NBEA: variants seen among roughly 807,000 people sequenced by gnomAD.
NBEA encodes the protein lysosomal-trafficking regulator 2.
NBEA carries 44 observed loss-of-function variants against 343.4 expected under a neutral mutation model. That is an observed-to-expected ratio of 0.13 (90% CI 0.10 to 0.16). NBEA has a LOEUF of 0.16. Ranked by LOEUF, NBEA falls within the 10% of genes least tolerant of loss-of-function variation. The pLI is 1.00. For synonymous variants in NBEA, 1,175 were observed against 1,238.7 expected (o/e 0.95, Z 1.08); for missense variants, 2,555 against 3,631.3 (o/e 0.70, Z 7.62).
intron 38 of NBEA, among the ~76,000 whole-genome samples, chr13:35,381,759 G>A (rs2042023485): frequency 6.6e-6 from 1 of 151,910 alleles, no homozygotes; most frequent in Non-Finnish European, 1.5e-5. Flanking sequence ...CCTGCCTTTG[G>A]TGATAATAAA....
intron 41 of NBEA, among the ~76,000 whole-genome samples, chr13:35,529,407 C>G (rs771013902): frequency 6.6e-6 from 1 of 152,170 alleles, no homozygotes; most frequent in African/African-American, 2.4e-5. Context: ...TACACTTATA[C>G]ACATGGAGCA....
chr13:35,048,725 A>T (rs1314811755), intron 5 of NBEA, 41 bp downstream of exon 5: 6 of 1,096,612 alleles, frequency 5.5e-6, no homozygotes, highest in Non-Finnish European at 6.6e-6. Context: ...TTCTTTAAGT[A>T]CTTGAATTCT....
chr13:35,588,521 A>T (rs1263025292), intron 46 of NBEA, among the ~76,000 whole-genome samples: 3 of 152,180 alleles, frequency 2.0e-5, no homozygotes, highest in South Asian at 4.1e-4. Flanking sequence ...ATAATTGCTT[A>T]AAAATGCTAA....
chr13:35,130,076 G>A (rs895897519), intron 17 of NBEA, among the ~76,000 whole-genome samples: 5 of 152,058 alleles, frequency 3.3e-5, no homozygotes. Context: ...ATTTTTATTT[G>A]CATTTAAAAA....
chr13:35,192,751 GT>G (rs1004776230), intron 30 of NBEA, among the ~76,000 whole-genome samples: 43 of 152,020 alleles, frequency 2.8e-4, no homozygotes, highest in Middle Eastern at 6.8e-3. Flanking sequence ...TATGTAGTTG[GT>G]GGCAAAAGTC....
At chr13:35,031,383 A>G (rs893482239) in intron 1 of NBEA, among the ~76,000 whole-genome samples, 2 of 151,700 alleles carry the variant, frequency 1.3e-5, no homozygotes, top group African/African-American at 4.8e-5. Flanking sequence ...TAAATGTCCA[A>G]GTGATATCTA....
chr13:35,536,321 G>A (rs544917648), intron 41 of NBEA, among the ~76,000 whole-genome samples: 2 of 152,244 alleles, frequency 1.3e-5, no homozygotes, highest in African/African-American at 4.8e-5. Flanking sequence ...TTTTTGAGCA[G>A]TAAGTTTTTA....
At chr13:35,083,388 C>CCAT (rs538787130) in intron 10 of NBEA, among the ~76,000 whole-genome samples, 70 of 152,162 alleles carry the variant, frequency 4.6e-4, no homozygotes, top group African/African-American at 1.6e-3. Context: ...AAAGGGAAGC[C>CCAT]CATCAGACTA....
At chr13:35,003,024 G>A (rs1457810132) in intron 1 of NBEA, among the ~76,000 whole-genome samples, 6 of 152,076 alleles carry the variant, frequency 3.9e-5, no homozygotes, top group African/African-American at 7.2e-5. Flanking sequence ...ATAAGAGAGC[G>A]TTCTCCAGCC....
chr13:35,184,739 A>C (rs1177406940), intron 30 of NBEA, among the ~76,000 whole-genome samples: 2 of 152,106 alleles, frequency 1.3e-5, no homozygotes, highest in African/African-American at 4.8e-5. Flanking sequence ...AGAGAAATGG[A>C]AGATATAAAG....
chr13:35,643,126 T>C (rs558854694), intron 49 of NBEA, among the ~76,000 whole-genome samples: 1 of 152,098 alleles, frequency 6.6e-6, no homozygotes, highest in South Asian at 2.1e-4. Flanking sequence ...TGGAAATTTT[T>C]AAGGGAAAAT....
At chr13:35,550,728 T>A (rs1594948154) in intron 42 of NBEA, 134 bp downstream of exon 42, 1 of 687,042 alleles carries the variant, frequency 1.5e-6, no homozygotes, top group East Asian at 2.8e-5. Flanking sequence ...AAATTCTTTT[T>A]AAAAAATAAA....
chr13:35,239,609 T>A (rs1393408256), intron 34 of NBEA, among the ~76,000 whole-genome samples: 1 of 152,068 alleles, frequency 6.6e-6, no homozygotes, highest in Non-Finnish European at 1.5e-5. Flanking sequence ...AAGCTTTTAA[T>A]TTGGAATTTG....
chr13:35,168,100 A>C (rs2070177029), intron 24 of NBEA, among the ~76,000 whole-genome samples: 2 of 151,792 alleles, frequency 1.3e-5, no homozygotes. Context: ...TGGAAAAATT[A>C]TGAATAATGT....
At chr13:35,647,823 C>T (rs1032812626) in intron 51 of NBEA, among the ~76,000 whole-genome samples, 4 of 152,104 alleles carry the variant, frequency 2.6e-5, no homozygotes, top group Non-Finnish European at 4.4e-5. Context: ...CCTCAGCCTC[C>T]CAAAGTGCTG....
chr13:35,575,719 T>TTA (rs2080702007), intron 45 of NBEA, among the ~76,000 whole-genome samples: 1 of 152,166 alleles, frequency 6.6e-6, no homozygotes, highest in East Asian at 1.9e-4. Context: ...TTCCCTAATA[T>TTA]TATCTAACAC....
intron 45 of NBEA, among the ~76,000 whole-genome samples, chr13:35,573,651 C>A (rs1012847669): frequency 3.3e-5 from 5 of 152,154 alleles, no homozygotes; most frequent in Non-Finnish European, 5.9e-5. Context: ...CCAGCTGAAT[C>A]ACCCTTTCAG....
intron 1 of NBEA, among the ~76,000 whole-genome samples, chr13:34,979,961 A>G (rs898227622): frequency 6.6e-6 from 1 of 152,190 alleles, no homozygotes; most frequent in Middle Eastern, 3.4e-3. Flanking sequence ...TGTGGAAGAG[A>G]CTTTGCTTTT....
chr13:35,490,265 A>G (rs1291060748), intron 41 of NBEA, among the ~76,000 whole-genome samples: 4 of 151,944 alleles, frequency 2.6e-5, no homozygotes, highest in Non-Finnish European at 5.9e-5. Context: ...TGTTGTCTAG[A>G]AACTATAGTA....
Sources: allele counts gnomAD v4.1 joint callset (sites outside exome capture counted in the v4.1 genomes callset), GRCh38; gene constraint gnomAD v4.1.1; transcripts MANE v1.5; gene names NCBI Gene and HGNC (gene_info 2026-07-23, HGNC 2026-07-21).